Variants in TAF6 observed in about 807,000 individuals in gnomAD.
The protein encoded by TAF6 is TATA-box binding protein associated factor 6, also known as transcription initiation factor TFIID subunit 6.
Under a neutral mutation model 73.5 loss-of-function variants are expected in TAF6, and 50 were observed. The ratio of observed to expected loss-of-function variants is 0.68; its 90% CI spans 0.54 to 0.86. The LOEUF is 0.86. Ranked by LOEUF, TAF6 falls within the 40% of genes least tolerant of loss-of-function variation. The probability of loss-of-function intolerance (pLI) is 0.00; values close to 1 mark genes in which losing one functional copy is unlikely to be tolerated. For missense variants in TAF6, 768 were observed against 899.5 expected, an observed-to-expected ratio of 0.85 and a Z score of 1.87; for synonymous variants, 424 against 376.7, an observed-to-expected ratio of 1.13 and a Z score of -1.45.
At chr7:100,120,895 G>A (rs1286532110), upstream of TAF6, among the ~76,000 whole-genome samples, 1 of 151,972 alleles carries the variant, frequency 6.6e-6, no homozygotes, top group Non-Finnish European at 1.5e-5. Flanking sequence ...ACAGAGACCT[G>A]TAGATAGAGA....
intron 9 of TAF6, 46 bp from the exon 10 acceptor site, chr7:100,111,367 G>GAGATAAAGT: frequency 6.3e-7 from 1 of 1,589,748 alleles, no homozygotes; most frequent in South Asian, 1.1e-5. Context: ...TTGTTTGTCT[G>GAGATAAAGT]CTTGAGATAA....
upstream of TAF6, chr7:100,122,983 T>C (rs1392613136): frequency 2.8e-5 from 42 of 1,475,410 alleles, 1 homozygote; most frequent in South Asian, 2.8e-4. Flanking sequence ...GGTTTGACTA[T>C]AGGGGATGTC....
At position 100,113,603 on chromosome 7, in the gene TAF6, C is replaced by G; in HGVS notation, c.397+13G>C. On this transcript the variant is annotated intron_variant, in intron 4 of 14. Transcript: ENST00000453269. ...TCCCTCCTCCCTGCCACCCTGCTCT[C>G]CCCTCCCCCAACCTTTGAGGCAGAC... 1 of 1,613,484 alleles carries G rather than the reference C, an allele frequency of 6.2e-7. No homozygotes were observed. Among genetic ancestry groups the G allele is most frequent in the Non-Finnish European group, 8.5e-7 (1 of 1,179,666 alleles).
At chr7:100,118,274 A>AT (rs1797847178) in intron 1 of TAF6, 1 of 145,868 alleles carries the variant, frequency 6.9e-6, no homozygotes, top group Non-Finnish European at 1.5e-5. Flanking sequence ...AACCGCTTGA[A>AT]CCAGGAAGCG....
At chr7:100,127,113 T>C in the TAF6 span, 1 of 480,554 alleles carries the variant, frequency 2.1e-6, no homozygotes, top group Non-Finnish European at 3.7e-6. This position sits in a 1 kb window ranked among gnomAD's most constrained non-coding sequence, Gnocchi z 4.6. Context: ...GGATAGCCTT[T>C]GGAGGGTGAC....
In TAF6 at chr7:100,112,877, C is replaced by T; in HGVS notation, c.495G>A (p.Leu165=). 6.2e-7 allele frequency: 1 copy of T among 1,613,876 alleles called. No homozygotes were observed. Among genetic ancestry groups the T allele is most frequent in the Non-Finnish European group, 8.5e-7 (1 of 1,179,826 alleles). ...EQQKAEATEP[L]KSAKPGQEED... ...CCTCCTGGCCTGGCTTGGCTGACTT[C>T]AGGGGTTCTGTGGCTTCAGCCTTCT... is the stretch of plus-strand genomic sequence containing the variant. Residue 165 remains leucine, a synonymous_variant, in exon 6 of 15, where the codon CTG becomes CTA. Coordinates refer to ENST00000453269, the MANE Select transcript of TAF6 (RefSeq NM_139315.3).
At chr7:100,111,855 T>G (rs769387051) in intron 8 of TAF6, 26 bp from the exon 9 acceptor site, 13 of 1,614,080 alleles carry the variant, frequency 8.1e-6, no homozygotes, top group Non-Finnish European at 1.0e-5. Flanking sequence ...GTGCTGGGCA[T>G]GGGGCAGGGA....
upstream of TAF6, chr7:100,119,814 T>A (rs764301675): frequency 1.9e-6 from 3 of 1,613,994 alleles, no homozygotes; most frequent in East Asian, 6.7e-5. Context: ...GGCTGGGATG[T>A]TGAAGGAGGA....
At chr7:100,108,696 G>A in intron 12 of TAF6, 156 bp from the exon 13 acceptor site, 1 of 714,344 alleles carries the variant, frequency 1.4e-6, no homozygotes, top group Non-Finnish European at 2.3e-6. Flanking sequence ...AAATTATGCT[G>A]AACTATTAGT....
chr7:100,121,591 C>A (rs967494574), upstream of TAF6, among the ~76,000 whole-genome samples: 1 of 151,776 alleles, frequency 6.6e-6, no homozygotes, highest in African/African-American at 2.4e-5. Context: ...ATTACAGGTG[C>A]GCACCACCAC....
chr7:100,123,858 C>T (rs1023860327), upstream of TAF6, among the ~76,000 whole-genome samples: 6 of 152,184 alleles, frequency 3.9e-5, no homozygotes, highest in Admixed American at 1.3e-4. Flanking sequence ...GGGCCAGGTG[C>T]GATGGCTCAC....
chr7:100,107,474 A>C lies in TAF6; in HGVS notation c.1806T>G (p.Ser602Arg). The change falls in exon 15 of 15, where the codon AGT (serine) becomes AGG (arginine). Residue 602 changes from serine to arginine, a missense_variant. Ser to Arg is a moderately radical substitution (Grantham distance 110). This residue lies in a region of TAF6 where 350 missense variants were observed against 352.3 expected (regional missense o/e 0.99). Coordinates refer to ENST00000453269, the MANE Select transcript of TAF6 (RefSeq NM_139315.3). ...PPSTAPSGPGSVQKYIVVSLP... is the reference protein window; with the variant it reads ...PPSTAPSGPGRVQKYIVVSLP... Reference sequence around the variant, plus strand: ...GTGAGACCACGATGTACTTCTGGACACTCCCAGGACCAGAGGGAGCAGTGC... The same window carrying C: ...GTGAGACCACGATGTACTTCTGGACCCTCCCAGGACCAGAGGGAGCAGTGC... 1.9e-6 allele frequency: 3 copies of C among 1,613,576 alleles called. No individual in the cohort carries two copies. The highest frequency in any genetic ancestry group is 2.5e-6 in the Non-Finnish European group (3 of 1,179,748).
chr7:100,122,418 C>G (rs778153244), upstream of TAF6: 9 of 1,614,064 alleles, frequency 5.6e-6, no homozygotes, highest in Non-Finnish European at 6.8e-6. Flanking sequence ...CTTTCCAACC[C>G]CCAACGGAGC....
intron 12 of TAF6, among the ~76,000 whole-genome samples, chr7:100,109,452 G>A (rs1349725785): frequency 1.3e-5 from 2 of 152,144 alleles, no homozygotes; most frequent in East Asian, 3.8e-4. Context: ...AGAGTAACAG[G>A]AGCATTGGGG....
At chr7:100,117,692 T>G (rs1220791245) in intron 1 of TAF6, among the ~76,000 whole-genome samples, 1 of 152,144 alleles carries the variant, frequency 6.6e-6, no homozygotes, top group African/African-American at 2.4e-5. Context: ...CAGTAAATAC[T>G]TGGTATCACT....
At chr7:100,112,720 C>CA (rs376981143) in intron 6 of TAF6, 78 bp downstream of exon 6, 649 of 1,456,270 alleles carry the variant, frequency 4.5e-4, no homozygotes, top group South Asian at 7.5e-4. Flanking sequence ...GTCTCAAAAA[C>CA]AAAAAAAAAG....
upstream of TAF6, chr7:100,122,674 C>A (rs1798108096): frequency 6.6e-7 from 1 of 1,513,078 alleles, no homozygotes; most frequent in Non-Finnish European, 9.0e-7. Context: ...ATCTCACCAT[C>A]ATGGAACTCA....
At chr7:100,119,630 C>G, upstream of TAF6, 1 of 1,595,972 alleles carries the variant, frequency 6.3e-7, no homozygotes, top group South Asian at 1.1e-5. Context: ...GCGCATGCGC[C>G]GACCTTCCTC....
At chr7:100,122,838 G>A (rs146794940), upstream of TAF6, 9 of 1,612,604 alleles carry the variant, frequency 5.6e-6, no homozygotes, top group African/African-American at 1.2e-4. Flanking sequence ...GGGGGTGAAG[G>A]TGGATCTGGG....
Sources: gnomAD v4.1 joint callset for allele counts (sites outside exome capture counted in the v4.1 genomes callset) on GRCh38, gnomAD v4.1.1 for gene constraint, gnomAD v4.1.1 regional missense constraint, Gnocchi (gnomAD v3.1) non-coding constraint, MANE v1.5 for transcripts, NCBI Gene and HGNC (gene_info 2026-07-23, HGNC 2026-07-21) for gene names.